RTP4: variants seen among roughly 807,000 people sequenced by gnomAD.
RTP4 encodes the protein receptor-transporting protein 4.
RTP4 carries 5 observed loss-of-function variants against 6.5 expected under a neutral mutation model. The observed-to-expected ratio is 0.77, with a 90% confidence interval of 0.40 to 1.62. RTP4 has a LOEUF of 1.62. Among genes scored for constraint, RTP4 ranks in the 40% most tolerant of loss-of-function variants. The probability of loss-of-function intolerance (pLI) is 0.02; values close to 1 mark genes in which losing one functional copy is unlikely to be tolerated. For missense variants in RTP4, 266 were observed against 288.7 expected (o/e 0.92, Z 0.57); for synonymous variants, 112 against 114.8 (o/e 0.98, Z 0.15).
In RTP4 at chr3:187,370,775, C is replaced by A; in HGVS notation, c.156-13C>A. 2 of 1,605,798 alleles carry A rather than the reference C, an allele frequency of 1.2e-6. No homozygotes were observed. The highest frequency in any genetic ancestry group is 2.2e-5 in the South Asian group (2 of 90,486). ...AGATGAAGGCATAATGGGTGTCTTC[C>A]TTCTGACTGCAGGTTCCGGTGTTCC... On this transcript the variant is annotated splice_polypyrimidine_tract_variant and intron_variant, in intron 1 of 1. Coordinates refer to ENST00000259030, the MANE Select transcript of RTP4 (RefSeq NM_022147.3).
chr3:187,369,920 AAAG>A (rs1318890923), intron 1 of RTP4, among the ~76,000 whole-genome samples: 1 of 152,214 alleles, frequency 6.6e-6, no homozygotes, highest in Non-Finnish European at 1.5e-5. Context: ...CTCCAAACAG[AAAG>A]AAGGTGTTTC....
rs201489765 is a variant in RTP4, at chr3:187,368,427, C to T, written c.-15C>T. On this transcript the variant is annotated 5_prime_UTR_variant, in exon 1 of 2. Transcript: ENST00000259030. ...GCAAACCTGAAAGCTACTCTCTCAGCTTCAGAGGGAAAAAATGGTTGTAGA... is the reference window on the plus strand; with the variant it reads ...GCAAACCTGAAAGCTACTCTCTCAGTTTCAGAGGGAAAAAATGGTTGTAGA... 5 of 1,603,818 alleles carry T rather than the reference C, an allele frequency of 3.1e-6. No homozygotes were observed. Among genetic ancestry groups the T allele is most frequent in the Admixed American group, 3.4e-5 (2 of 58,614 alleles).
rs1271457425 is a variant in RTP4, at chr3:187,371,979, A to G, written c.*606A>G. The G allele has an allele frequency of 6.6e-6, 1 of 152,426 alleles. No homozygotes were observed. Among genetic ancestry groups the G allele is most frequent in the Admixed American group, 6.5e-5 (1 of 15,294 alleles). The allele number at this position is 152,426 out of a possible 1,614,324, so 9.4% of individuals were successfully genotyped here. On this transcript the variant is annotated 3_prime_UTR_variant, in exon 2 of 2. Coordinates refer to ENST00000259030, the MANE Select transcript of RTP4 (RefSeq NM_022147.3). ...TTCTCCCCTGGAGTCTGCAGAAGGA[A>G]CCAGCCCTGCCTGCACATGGCTTTA...
rs1437713815 is a variant in RTP4, at chr3:187,371,244, T to C, written c.612T>C (p.Ala204=). 4.3e-6 allele frequency: 7 copies of C among 1,613,246 alleles called. No individual in the cohort carries two copies. Among genetic ancestry groups the C allele is most frequent in the Non-Finnish European group, 5.9e-6 (7 of 1,180,036 alleles). ...YLANQAKNQS[A]EAKEAKGSGY... ...CAAACCAAGCCAAGAACCAGTCAGC[T>C]GAGGCAAAAGAGGCTAAGGGGAGTG... Residue 204 remains alanine, a synonymous_variant, in exon 2 of 2, where the codon GCT becomes GCC. Transcript: ENST00000259030.
intron 1 of RTP4, among the ~76,000 whole-genome samples, chr3:187,370,156 T>C (rs1711580386): frequency 6.6e-6 from 1 of 152,246 alleles, no homozygotes; most frequent in Non-Finnish European, 1.5e-5. Context: ...GCCCAAGGTC[T>C]TCCTGATGTA....
At chr3:187,370,690 TCAAATGGAAAA>T in intron 1 of RTP4, 87 bp from the exon 2 acceptor site, 2 of 768,022 alleles carry the variant, frequency 2.6e-6, no homozygotes, top group Non-Finnish European at 4.3e-6. Flanking sequence ...ATGCATTTTT[TCAAATGGAAAA>T]GGATGTTAGT....
chr3:187,369,487 C>A (rs1347989132), intron 1 of RTP4, among the ~76,000 whole-genome samples: 2 of 151,998 alleles, frequency 1.3e-5, no homozygotes, highest in Non-Finnish European at 2.9e-5. Context: ...CCTTCAAGGC[C>A]CACTCTAGTG....
Position 187,371,057 on chromosome 3 carries a change from A to C in RTP4, c.425A>C (p.Glu142Ala). The change falls in exon 2 of 2, where the codon GAA becomes GCA. Residue 142 changes from glutamate (E) to alanine (A), a missense_variant. Glu to Ala is a moderately radical substitution (Grantham distance 107). Coordinates refer to ENST00000259030, the MANE Select transcript of RTP4 (RefSeq NM_022147.3). ...RKSPEMPVIL[E>A]VSLEGSHDTA... The stretch of plus-strand genomic sequence containing the variant: ...TCTCCAGAAATGCCAGTAATCCTGG[A>C]AGTGTCCCTGGAAGGATCCCATGAC... 1 of 1,614,224 alleles carries C rather than the reference A, an allele frequency of 6.2e-7. No homozygotes were observed. Among genetic ancestry groups the C allele is most frequent in the Non-Finnish European group, 8.5e-7 (1 of 1,180,034 alleles).
rs768059484 is a variant in RTP4 at position 187,371,361 on chromosome 3, T to A, written c.729T>A (p.Phe243Leu). Residue 243 changes from phenylalanine (F) to leucine (L), a missense_variant, in exon 2 of 2, where the codon TTT becomes TTA. Physicochemically the swap from Phe to Leu is conservative, Grantham distance 22 (BLOSUM62 0). Transcript: ENST00000259030. ...TTGTATTTATTGTAGTCAAATGCTT[T>A]ACATCAGAATGATGAAAATAGGCTT... The part of the protein sequence containing the change: ...LLLVFIVVKC[F>L]TSE The A allele has an allele frequency of 1.3e-6, 2 of 1,590,946 alleles. No homozygotes were observed. Among genetic ancestry groups the A allele is most frequent in the Non-Finnish European group, 1.7e-6 (2 of 1,173,450 alleles).
chr3:187,370,885 C>A lies in RTP4; in HGVS notation c.253C>A (p.Arg85Ser), dbSNP rs573930240. The A allele has an allele frequency of 6.2e-7, 1 of 1,614,062 alleles. No individual in the cohort carries two copies. The highest frequency in any genetic ancestry group is 1.7e-5 in the Admixed American group (1 of 60,018). ...GCACTGGACATCCCAGGGTCAGGTG[C>A]GTATGAGGCTCTTTGGCCAAAGGTG... ...WEHWTSQGQVRMRLFGQRCQK... is the reference protein window; with the variant it reads ...WEHWTSQGQVSMRLFGQRCQK... The change falls in exon 2 of 2, where the codon CGT becomes AGT. Residue 85 changes from arginine (R) to serine (S), a missense_variant. Coordinates refer to ENST00000259030, the MANE Select transcript of RTP4 (RefSeq NM_022147.3).
Position 187,371,257 on chromosome 3 carries a change from G to A in RTP4, c.625G>A (p.Ala209Thr). The A allele has an allele frequency of 6.2e-7, 1 of 1,612,344 alleles. No homozygotes were observed. Among genetic ancestry groups the A allele is most frequent in the South Asian group, 1.1e-5 (1 of 91,084 alleles). The change falls in exon 2 of 2, where the codon GCT (alanine) becomes ACT (threonine). Residue 209 changes from alanine to threonine, a missense_variant. Physicochemically the swap from Ala to Thr is moderately conservative, Grantham distance 58. Coordinates refer to ENST00000259030, the MANE Select transcript of RTP4 (RefSeq NM_022147.3). ...AKNQSAEAKE[A>T]KGSGYEKLGP... ...GAACCAGTCAGCTGAGGCAAAAGAGGCTAAGGGGAGTGGGTATGAGAAATT... is the reference window on the plus strand; with the variant it reads ...GAACCAGTCAGCTGAGGCAAAAGAGACTAAGGGGAGTGGGTATGAGAAATT...
chr3:187,369,796 G>A lies in RTP4; in HGVS notation c.156-992G>A, dbSNP rs551041646. Among the ~76,000 whole-genome samples the A allele has an allele frequency of 8.5e-5, 13 of 152,188 alleles. No homozygotes were observed. The East Asian group carries it at 2.3e-3, about 27-fold the overall frequency. ...GTTCTCAAGTCACTTGTCAGAGCCC[G>A]TATAGCAGTCATGTTGCTCTGCTTT... On this transcript the variant is annotated intron_variant, in intron 1 of 1. Coordinates refer to ENST00000259030, the MANE Select transcript of RTP4 (RefSeq NM_022147.3).
chr3:187,370,836 G>C lies in RTP4; in HGVS notation c.204G>C (p.Gln68His), dbSNP rs374405063. 1 of 1,613,968 alleles carries C rather than the reference G, an allele frequency of 6.2e-7. No homozygotes were observed. Among genetic ancestry groups the C allele is most frequent in the Non-Finnish European group, 8.5e-7 (1 of 1,180,018 alleles). The change falls in exon 2 of 2, where the codon CAG becomes CAC. Residue 68 changes from glutamine (Q) to histidine (H), a missense_variant. Gln to His is a conservative substitution (Grantham distance 24). Coordinates refer to ENST00000259030, the MANE Select transcript of RTP4 (RefSeq NM_022147.3). The stretch of plus-strand genomic sequence containing the variant: ...GAAGTTGGGCTTCCGCCCAAGTGCA[G>C]ATTCTGTGCCACACGTACTGGGAGC... ...CQRSWASAQV[Q>H]ILCHTYWEHW...
chr3:187,370,973 T>C lies in RTP4; in HGVS notation c.341T>C (p.Ile114Thr). ...TTCTCCTCGGATAGCACCATGAGGA[T>C]TCTGAGCAACCTGGTGCAGCATATA... Reference protein sequence around the residue: ...PEFSSDSTMRILSNLVQHILK... With the variant: ...PEFSSDSTMRTLSNLVQHILK... Residue 114 changes from isoleucine (I) to threonine (T), a missense_variant, in exon 2 of 2, where the codon ATT (isoleucine) becomes ACT (threonine). Physicochemically the swap from Ile to Thr is moderately conservative, Grantham distance 89. Coordinates refer to ENST00000259030, the MANE Select transcript of RTP4 (RefSeq NM_022147.3). 6.2e-7 allele frequency: 1 copy of C among 1,614,186 alleles called. No homozygotes were observed. Among genetic ancestry groups the C allele is most frequent in the Non-Finnish European group, 8.5e-7 (1 of 1,180,038 alleles).
rs1432017835 is a variant in RTP4 at position 187,371,689 on chromosome 3, A to G, written c.*316A>G. Reference sequence around the variant, plus strand: ...TGTCTCCCAACATATGCATGACTTAATCCCCAGAACCTGTAAACATGTTAC... The same window carrying G: ...TGTCTCCCAACATATGCATGACTTAGTCCCCAGAACCTGTAAACATGTTAC... On this transcript the variant is annotated 3_prime_UTR_variant, in exon 2 of 2. Coordinates refer to ENST00000259030, the MANE Select transcript of RTP4 (RefSeq NM_022147.3). 2 of 294,084 alleles carry G rather than the reference A, an allele frequency of 6.8e-6. No individual in the cohort carries two copies. Among genetic ancestry groups the G allele is most frequent in the Admixed American group, 9.3e-5 (2 of 21,420 alleles). The allele number at this position is 294,084 out of a possible 1,614,324, so 18.2% of individuals were successfully genotyped here. A position where few individuals can be genotyped will look rare whatever the true frequency, so the allele number is the denominator to read the frequency against.
chr3:187,370,873 C>A lies in RTP4; in HGVS notation c.241C>A (p.Gln81Lys). ...CHTYWEHWTS[Q>K]GQVRMRLFGQ... Reference sequence around the variant, plus strand: ...CACGTACTGGGAGCACTGGACATCCCAGGGTCAGGTGCGTATGAGGCTCTT... The same window carrying A: ...CACGTACTGGGAGCACTGGACATCCAAGGGTCAGGTGCGTATGAGGCTCTT... The change falls in exon 2 of 2, where the codon CAG (glutamine) becomes AAG (lysine). Residue 81 changes from glutamine to lysine, a missense_variant. Coordinates refer to ENST00000259030, the MANE Select transcript of RTP4 (RefSeq NM_022147.3). The A allele has an allele frequency of 1.2e-6, 2 of 1,614,102 alleles. No homozygotes were observed. Among genetic ancestry groups the A allele is most frequent in the Non-Finnish European group, 1.7e-6 (2 of 1,180,036 alleles).
Position 187,370,800 on chromosome 3 carries a change from C to T in RTP4, c.168C>T (p.Ser56=). 1 of 1,612,388 alleles carries T rather than the reference C, an allele frequency of 6.2e-7. No individual in the cohort carries two copies. Among genetic ancestry groups the T allele is most frequent in the East Asian group, 2.2e-5 (1 of 44,798 alleles). Residue 56 remains serine, a synonymous_variant, in exon 2 of 2, where the codon TCC becomes TCT. Coordinates refer to ENST00000259030, the MANE Select transcript of RTP4 (RefSeq NM_022147.3). The stretch of plus-strand genomic sequence containing the variant: ...CTTCTGACTGCAGGTTCCGGTGTTC[C>T]TCCTGCCAGCGAAGTTGGGCTTCCG... ...QQRAFGWFRC[S]SCQRSWASAQ... is the part of the protein sequence containing the mutation.
In RTP4 at chr3:187,368,468, G is replaced by A. The variant is rs1302300688; in HGVS notation, c.27G>A (p.Glu9=). Residue 9 remains glutamate (E), a synonymous_variant, in exon 1 of 2, where the codon GAG becomes GAA. Coordinates refer to ENST00000259030, the MANE Select transcript of RTP4 (RefSeq NM_022147.3). ...TGGTTGTAGATTTCTGGACTTGGGA[G>A]CAGACATTTCAAGAACTAATCCAAG... MVVDFWTW[E]QTFQELIQEA... The A allele has an allele frequency of 1.2e-6, 2 of 1,613,372 alleles. No homozygotes were observed. Among genetic ancestry groups the A allele is most frequent in the South Asian group, 2.2e-5 (2 of 90,946 alleles).
In RTP4 at chr3:187,370,944, T is replaced by G. The variant is rs370948271; in HGVS notation, c.312T>G (p.Pro104=). 70 of 1,614,084 alleles carry G rather than the reference T, an allele frequency of 4.3e-5. No homozygotes were observed. The East Asian group carries it at 1.5e-3, about 35-fold the overall frequency. The change falls in exon 2 of 2, where the codon CCT becomes CCG. Residue 104 remains proline (P), a synonymous_variant. Transcript: ENST00000259030. ...GCTCCTGGTCCCAATATGAGATGCC[T>G]GAGTTCTCCTCGGATAGCACCATGA... ...QKCSWSQYEM[P]EFSSDSTMRI...
Sources: allele counts gnomAD v4.1 joint callset (sites outside exome capture counted in the v4.1 genomes callset), GRCh38; gene constraint gnomAD v4.1.1; transcripts MANE v1.5; gene names NCBI Gene and HGNC (gene_info 2026-07-23, HGNC 2026-07-21).